CCDC85C: variants seen among roughly 807,000 people sequenced by gnomAD.
The protein encoded by CCDC85C is coiled-coil domain-containing protein 85C.
Under a neutral mutation model 38.3 loss-of-function variants are expected in CCDC85C, and 18 were observed. That is an observed-to-expected ratio of 0.47 (90% CI 0.33 to 0.70). The LOEUF is 0.70. Among genes scored for constraint, CCDC85C ranks in the 30% least tolerant of loss-of-function variants. CCDC85C has a pLI of 0.03. For synonymous variants in CCDC85C, 264 were observed against 293.8 expected (o/e 0.90, Z 1.04); for missense variants, 566 against 621.2 (o/e 0.91, Z 0.94).
chr14:99,550,228 GGA>G lies in CCDC85C; in HGVS notation c.794-14142_794-14141del, dbSNP rs1897882169. ...ATCAAGGTTATGGAACTCAAAATTA[GGA>G]GGAGATTAGTCTGGATTATCCAGGT... On this transcript the variant is annotated intron_variant, in intron 1 of 5. Coordinates refer to ENST00000380243, the MANE Select transcript of CCDC85C (RefSeq NM_001144995.2). Among the ~76,000 whole-genome samples the G allele has an allele frequency of 1.3e-5, 2 of 152,320 alleles. 1 individual carries two copies.
intron 2 of CCDC85C, among the ~76,000 whole-genome samples, chr14:99,531,012 G>A (rs1463681952): frequency 6.6e-6 from 1 of 152,194 alleles, no homozygotes; most frequent in Non-Finnish European, 1.5e-5. Context: ...CCTACCAGAC[G>A]AATACAACAT....
intron 2 of CCDC85C, among the ~76,000 whole-genome samples, chr14:99,531,561 G>C (rs1435304862): frequency 7.6e-6 from 1 of 132,382 alleles, no homozygotes; most frequent in East Asian, 2.4e-4. Context: ...AACCTATTTT[G>C]GAGTTAAATA....
At chr14:99,541,064 A>G (rs1191606897) in intron 1 of CCDC85C, among the ~76,000 whole-genome samples, 2 of 152,182 alleles carry the variant, frequency 1.3e-5, no homozygotes, top group African/African-American at 4.8e-5. Flanking sequence ...TGTCCAGAAC[A>G]GTAAGAACTG....
chr14:99,503,967 A>C lies in CCDC85C; in HGVS notation c.*11279T>G. On this transcript the variant is annotated 3_prime_UTR_variant, in exon 6 of 6. Transcript: ENST00000380243. ...AGAGACTATTTACCCCCATCACAGC[A>C]GCAGGAGTCCTCTCCCAAGCACCAA... The C allele has an allele frequency of 5.5e-6, 2 of 364,242 alleles. No homozygotes were observed. The highest frequency in any genetic ancestry group is 4.6e-5 in the South Asian group (2 of 43,216). The allele number at this position is 364,242 out of a possible 1,614,324, so 22.6% of individuals were successfully genotyped here.
chr14:99,502,360 G>C lies in CCDC85C; in HGVS notation c.*12886C>G, dbSNP rs367888657. The C allele has an allele frequency of 2.0e-5, 32 of 1,613,390 alleles. No homozygotes were observed. In the South Asian group the frequency reaches 3.2e-4, roughly 16 times the overall value. Reference sequence around the variant, plus strand: ...GGGAGCAGTTTGTTCAAGATGTCCCGGTCGACGTTTTGGAAGGTACCAGGC... The same window carrying C: ...GGGAGCAGTTTGTTCAAGATGTCCCCGTCGACGTTTTGGAAGGTACCAGGC... On this transcript the variant is annotated 3_prime_UTR_variant, in exon 6 of 6. Transcript: ENST00000380243.
In CCDC85C at chr14:99,525,465, GT is replaced by G. The variant is rs1897366367; in HGVS notation, c.868-3226del. 7.2e-5 allele frequency among the ~76,000 whole-genome samples: 11 copies of G among 152,328 alleles called. No homozygotes were observed. The South Asian group carries it at 2.1e-3, about 29-fold the overall frequency. On this transcript the variant is annotated intron_variant, in intron 2 of 5. Coordinates refer to ENST00000380243, the MANE Select transcript of CCDC85C (RefSeq NM_001144995.2). ...GAGGCTGCTTGTTTGGAAAGGATGGGTGGGGTGGCTGCAGGCAGGAAGCGCC... is the reference window on the plus strand; with the variant it reads ...GAGGCTGCTTGTTTGGAAAGGATGGGGGGGTGGCTGCAGGCAGGAAGCGCC...
chr14:99,574,291 AT>A (rs10713344), intron 1 of CCDC85C, among the ~76,000 whole-genome samples: 12,108 of 151,354 alleles, frequency 0.08, 784 homozygotes, highest in African/African-American at 0.18. Context: ...TGCTCCAGGG[AT>A]TTTTTTTTGT....
chr14:99,517,619 C>T (rs1897247248), intron 3 of CCDC85C, among the ~76,000 whole-genome samples: 1 of 152,206 alleles, frequency 6.6e-6, no homozygotes, highest in Non-Finnish European at 1.5e-5. Context: ...ACCCTGGAGC[C>T]ACCGGTGGGC....
In CCDC85C at chr14:99,503,321, G is replaced by A; in HGVS notation, c.*11925C>T. On this transcript the variant is annotated 3_prime_UTR_variant, in exon 6 of 6. Transcript: ENST00000380243. ...GTGCAGCTGCCTGACCCCAAACAGT[G>A]GACCGTTTCCTGCACCCAAGTGGTC... 1 of 603,026 alleles carries A rather than the reference G, an allele frequency of 1.7e-6. No individual in the cohort carries two copies. Among genetic ancestry groups the A allele is most frequent in the Non-Finnish European group, 3.0e-6 (1 of 338,016 alleles). The allele number at this position is 603,026 out of a possible 1,614,324, so 37.4% of individuals were successfully genotyped here. A position where few individuals can be genotyped will look rare whatever the true frequency, so the allele number is the denominator to read the frequency against.
chr14:99,592,923 C>T (rs1435612433), intron 1 of CCDC85C, among the ~76,000 whole-genome samples: 8 of 152,236 alleles, frequency 5.3e-5, no homozygotes, highest in Non-Finnish European at 7.3e-5. Flanking sequence ...CCAGCCAGGA[C>T]AGAAGGTGCC....
intron 1 of CCDC85C, among the ~76,000 whole-genome samples, chr14:99,591,633 C>A (rs2139987943): frequency 6.6e-6 from 1 of 152,244 alleles, no homozygotes; most frequent in Middle Eastern, 3.4e-3. Flanking sequence ...GGCCACAACT[C>A]CAGGGCCAGG....
At chr14:99,595,501 C>T (rs573604168) in intron 1 of CCDC85C, among the ~76,000 whole-genome samples, 1 of 152,316 alleles carries the variant, frequency 6.6e-6, no homozygotes, top group South Asian at 2.1e-4. Flanking sequence ...CCCAGCTCAG[C>T]TGTTCTTTCT....
intron 2 of CCDC85C, among the ~76,000 whole-genome samples, chr14:99,531,114 G>A (rs779881133): frequency 4.6e-5 from 7 of 152,148 alleles, no homozygotes; most frequent in African/African-American, 7.2e-5. Context: ...CCTTTGGTAC[G>A]TGGCAGGCCA....
intron 3 of CCDC85C, 144 bp downstream of exon 3, chr14:99,521,989 C>T (rs1454847761): frequency 6.2e-6 from 4 of 644,580 alleles, no homozygotes; most frequent in Non-Finnish European, 8.1e-6. Flanking sequence ...AACTGCCACA[C>T]TGGATGGGAC....
Position 99,502,264 on chromosome 14 carries a change from G to A in CCDC85C, c.*12982C>T, listed in dbSNP as rs1475602740. 4 of 1,607,728 alleles carry A rather than the reference G, an allele frequency of 2.5e-6. No homozygotes were observed. The South Asian group carries it at 3.3e-5, about 13-fold the overall frequency. On this transcript the variant is annotated 3_prime_UTR_variant, in exon 6 of 6. Coordinates refer to ENST00000380243, the MANE Select transcript of CCDC85C (RefSeq NM_001144995.2). ...CAGAGATCATAGCAGTAGCAGTGAT[G>A]TATCTCGCAGGACGTTTGTGCAAAT...
rs570076541 is a variant in CCDC85C at position 99,533,106 on chromosome 14, C to T, written c.867+2909G>A. Among the ~76,000 whole-genome samples, 1 of 152,248 alleles carries T rather than the reference C, an allele frequency of 6.6e-6. No homozygotes were observed. Among genetic ancestry groups the T allele is most frequent in the East Asian group, 1.9e-4 (1 of 5,178 alleles). On this transcript the variant is annotated intron_variant, in intron 2 of 5. Transcript: ENST00000380243. The surrounding 1 kb of genome is among the most constrained non-coding windows in gnomAD (Gnocchi z 4.2). ...CGTGGCTCCTCTGGTTCTGCTGATG[C>T]CATGGGCTCTGGGGATGCCACCAGC...
chr14:99,581,118 C>T lies in CCDC85C; in HGVS notation c.793+22049G>A, dbSNP rs184846069. ...GAGGCTGGTTCCACGATCGCTGAAG[C>T]AAAGAGGAGGAGTGGGAGGGTGAAA... is the stretch of plus-strand genomic sequence containing the variant. On this transcript the variant is annotated intron_variant, in intron 1 of 5. Transcript: ENST00000380243. 1.1e-3 allele frequency among the ~76,000 whole-genome samples: 160 copies of T among 152,160 alleles called. 3 individuals are homozygous for T. The highest frequency in any genetic ancestry group is 0.01 in the Admixed American group (157 of 15,296).
Position 99,503,099 on chromosome 14 carries a change from G to A in CCDC85C, c.*12147C>T, listed in dbSNP as rs764298586. Reference sequence around the variant, plus strand: ...GGAACACCGGAAGCAGGGGGTGTTCGCCGAAACTCGCAGTCCGACTGCTTG... The same window carrying A: ...GGAACACCGGAAGCAGGGGGTGTTCACCGAAACTCGCAGTCCGACTGCTTG... On this transcript the variant is annotated 3_prime_UTR_variant, in exon 6 of 6. Coordinates refer to ENST00000380243, the MANE Select transcript of CCDC85C (RefSeq NM_001144995.2). The A allele has an allele frequency of 1.6e-5, 19 of 1,170,400 alleles. No individual in the cohort carries two copies. The highest frequency in any genetic ancestry group is 4.7e-5 in the East Asian group (2 of 42,838). 72.5% of individuals were successfully genotyped at this position (1,170,400 alleles called of 1,614,324 possible). A position where few individuals can be genotyped will look rare whatever the true frequency, so the allele number is the denominator to read the frequency against.
In CCDC85C at chr14:99,506,395, T is replaced by A. The variant is rs1896975709; in HGVS notation, c.*8851A>T. On this transcript the variant is annotated 3_prime_UTR_variant, in exon 6 of 6. Coordinates refer to ENST00000380243, the MANE Select transcript of CCDC85C (RefSeq NM_001144995.2). ...GGATGAGATTGGACTTCCCTTGGGC[T>A]GCCTTGGAGACCTAGTGCTGTCATT... 1 of 152,456 alleles carries A rather than the reference T, an allele frequency of 6.6e-6. No individual in the cohort carries two copies. Among genetic ancestry groups the A allele is most frequent in the African/African-American group, 2.4e-5 (1 of 41,464 alleles). 9.4% of individuals were successfully genotyped at this position (152,456 alleles called of 1,614,324 possible). A position where few individuals can be genotyped will look rare whatever the true frequency, so the allele number is the denominator to read the frequency against.
Sources: allele counts gnomAD v4.1 joint callset (sites outside exome capture counted in the v4.1 genomes callset), GRCh38; gene constraint gnomAD v4.1.1; non-coding constraint Gnocchi (gnomAD v3.1); transcripts MANE v1.5; gene names NCBI Gene and HGNC (gene_info 2026-07-23, HGNC 2026-07-21).